The following RAB37 variants were observed in gnomAD, a reference collection of about 807,000 sequenced individuals.
RAB37 encodes ras-related protein Rab-37.
A neutral mutation model predicts 33.1 loss-of-function variants in RAB37; 29 were observed. That is an observed-to-expected ratio of 0.88 (90% CI 0.65 to 1.20). The LOEUF is 1.20. Among genes scored for constraint, RAB37 ranks in the 50% most tolerant of loss-of-function variants. The pLI, the probability that RAB37 is intolerant of heterozygous loss-of-function variation, is 0.00. For missense variants in RAB37, 299 were observed against 301.1 expected (o/e 0.99, Z 0.05); for synonymous variants, 128 against 119.5 (o/e 1.07, Z -0.47).
chr17:74,685,434 T>G (rs1326921362), intron 1 of RAB37, among the ~76,000 whole-genome samples: 5 of 152,178 alleles, frequency 3.3e-5, no homozygotes, highest in Admixed American at 6.5e-5. Context: ...GTGATCTGCC[T>G]GCCTTGGCCT....
At chr17:74,740,967 C>T (rs1239457869) in intron 2 of RAB37, 89 bp downstream of exon 2, 3 of 911,022 alleles carry the variant, frequency 3.3e-6, no homozygotes, top group Non-Finnish European at 5.4e-6. Context: ...CTCACCCTGG[C>T]TCCCAGGGAC....
At chr17:74,692,813 G>A (rs1176129799) in intron 1 of RAB37, among the ~76,000 whole-genome samples, 1 of 152,180 alleles carries the variant, frequency 6.6e-6, no homozygotes, top group African/African-American at 2.4e-5. Context: ...TTTGGCCCAG[G>A]ACTGCCCTGC....
upstream of RAB37, among the ~76,000 whole-genome samples, chr17:74,733,642 G>A (rs1229149195): frequency 9.3e-6 from 1 of 107,036 alleles, no homozygotes; most frequent in Admixed American, 1.0e-4. Flanking sequence ...GTGTGTCTGG[G>A]GAGAGACACA....
At position 74,745,257 on chromosome 17, in the gene RAB37, T is replaced by C. The variant is rs755554917; in HGVS notation, c.567-49T>C. On this transcript the variant is annotated intron_variant, in intron 8 of 8. Transcript: ENST00000392613. This position sits in a 1 kb window ranked among gnomAD's most constrained non-coding sequence, Gnocchi z 4.5. ...AGAGGGGAGGGGGCGGCTCAGCTCC[T>C]CACCCCAGCCCAGCCCAGCCCAGCC... is the stretch of plus-strand genomic sequence containing the variant. 7 of 1,577,732 alleles carry C rather than the reference T, an allele frequency of 4.4e-6. No individual in the cohort carries two copies. In the South Asian group the frequency reaches 6.6e-5, roughly 15 times the overall value.
chr17:74,691,910 G>C (rs2197677), intron 1 of RAB37, among the ~76,000 whole-genome samples: 1 of 149,126 alleles, frequency 6.7e-6, no homozygotes, highest in Non-Finnish European at 1.5e-5. Context: ...CTGTCACCCA[G>C]GCTGGAGTGC....
Position 74,686,057 on chromosome 17 carries a change from A to G in RAB37, c.72+14399A>G, listed in dbSNP as rs563184804. Among the ~76,000 whole-genome samples the G allele has an allele frequency of 1.1e-4, 17 of 152,064 alleles. 1 individual carries two copies. The South Asian group carries it at 3.3e-3, about 30-fold the overall frequency. On this transcript the variant is annotated intron_variant, in intron 1 of 7. Transcript: ENST00000340415. ...CCCTGGGCAGACTCTCCTTCACTCT[A>G]TCTCCACGTTCTCTCCCATTTGCCC...
chr17:74,714,124 T>A (rs2034117856), intron 1 of RAB37, among the ~76,000 whole-genome samples: 1 of 151,886 alleles, frequency 6.6e-6, no homozygotes, highest in Admixed American at 6.6e-5. Context: ...GGTAGGAGAA[T>A]CACTTGAACC....
intron 1 of RAB37, among the ~76,000 whole-genome samples, chr17:74,713,817 C>A (rs1457529910): frequency 6.9e-6 from 1 of 145,388 alleles, no homozygotes; most frequent in Non-Finnish European, 1.5e-5. Context: ...AATCTCAGCA[C>A]TTTAGGAGGC....
At chr17:74,682,291 C>T (rs2031970212) in intron 1 of RAB37, among the ~76,000 whole-genome samples, 1 of 152,074 alleles carries the variant, frequency 6.6e-6, no homozygotes, top group Non-Finnish European at 1.5e-5. Context: ...CTCAGCTGGT[C>T]CCAGGGACTC....
At chr17:74,731,176 G>A (rs770148216) in intron 2 of RAB37, among the ~76,000 whole-genome samples, 4 of 152,228 alleles carry the variant, frequency 2.6e-5, no homozygotes, top group Non-Finnish European at 2.9e-5. Context: ...GGGGGTCCCC[G>A]GAGAGCCAGG....
chr17:74,691,864 C>A (rs903768185), intron 1 of RAB37, among the ~76,000 whole-genome samples: 1 of 151,232 alleles, frequency 6.6e-6, no homozygotes, highest in African/African-American at 2.4e-5. Flanking sequence ...TTATGTTATG[C>A]CATTTTTTTT....
chr17:74,694,841 A>T (rs2032276532), intron 1 of RAB37: 1 of 375,962 alleles, frequency 2.7e-6, no homozygotes, highest in East Asian at 4.0e-5. Context: ...CATCATTCCC[A>T]TGAAAGCCCC....
At position 74,745,082 on chromosome 17, in the gene RAB37, C is replaced by G; in HGVS notation, c.564C>G (p.Ala188=). The change falls in exon 8 of 9, where the codon GCC becomes GCG. Residue 188 remains alanine (A), a splice_region_variant and synonymous_variant. Transcript: ENST00000392613. This position sits in a 1 kb window ranked among gnomAD's most constrained non-coding sequence, Gnocchi z 4.5. ...TGGAGTTAGCCTTTCTGGCCATCGC[C>G]AAGTGAGAGCTGGGCAGGGAAGGGA... ...MNVELAFLAI[A]KELKYRAGHQ... 6.2e-7 allele frequency: 1 copy of G among 1,614,102 alleles called. No individual in the cohort carries two copies. Among genetic ancestry groups the G allele is most frequent in the Non-Finnish European group, 8.5e-7 (1 of 1,180,008 alleles).
chr17:74,688,552 C>CAA (rs34832046), intron 1 of RAB37, among the ~76,000 whole-genome samples: 246 of 113,024 alleles, frequency 2.2e-3, no homozygotes, highest in Middle Eastern at 7.8e-3. Context: ...GACTGCACCT[C>CAA]AAAAAAAAAA....
rs2144063950 is a variant in RAB37, at chr17:74,738,768, GGGAGTGAGTCCAGGACCCT to G, written c.93+1404_93+1422del. Among the ~76,000 whole-genome samples, 1 of 152,276 alleles carries G rather than the reference GGGAGTGAGTCCAGGACCCT, an allele frequency of 6.6e-6. No individual in the cohort carries two copies. The highest frequency in any genetic ancestry group is 1.9e-4 in the East Asian group (1 of 5,170). On this transcript the variant is annotated intron_variant, in intron 1 of 8. Transcript: ENST00000392613. The surrounding 1 kb of genome is among the most constrained non-coding windows in gnomAD (Gnocchi z 5.0). Reference sequence around the variant, plus strand: ...CCCAGCCTCCCCGGGCCTGCCCCAGGGGAGTGAGTCCAGGACCCTCTGAGAAAGCCTGGCAGGAGCTCCT... The same window carrying G: ...CCCAGCCTCCCCGGGCCTGCCCCAGGCTGAGAAAGCCTGGCAGGAGCTCCT...
chr17:74,690,454 A>G (rs114887022), intron 1 of RAB37, among the ~76,000 whole-genome samples: 2,854 of 152,230 alleles, frequency 0.019, 69 homozygotes, highest in African/African-American at 0.064. Context: ...GAGGAACCAT[A>G]TTTAAGATGG....
At chr17:74,720,550 C>A (rs2034225487) in intron 1 of RAB37, among the ~76,000 whole-genome samples, 1 of 152,086 alleles carries the variant, frequency 6.6e-6, no homozygotes, top group African/African-American at 2.4e-5. Context: ...AAGATCCCAC[C>A]ATTACACTCC....
chr17:74,698,667 AAAG>A, intron 1 of RAB37: 2 of 1,408,020 alleles, frequency 1.4e-6, no homozygotes, highest in Middle Eastern at 2.2e-4. Flanking sequence ...ACATAGACAC[AAAG>A]AAGGGAATGG....
At chr17:74,712,508 G>GCAGT (rs1267293135) in intron 1 of RAB37, among the ~76,000 whole-genome samples, 2 of 152,186 alleles carry the variant, frequency 1.3e-5, no homozygotes, top group African/African-American at 4.8e-5. Context: ...CCAGGATCAG[G>GCAGT]CAGTCGCCTG....
Sources: allele counts gnomAD v4.1 joint callset (sites outside exome capture counted in the v4.1 genomes callset), GRCh38; gene constraint gnomAD v4.1.1; non-coding constraint Gnocchi (gnomAD v3.1); transcripts MANE v1.5; gene names NCBI Gene and HGNC (gene_info 2026-07-23, HGNC 2026-07-21).